The following PLA1A variants were observed in gnomAD, a reference collection of about 807,000 sequenced individuals.
PLA1A encodes the protein phosphatidylserine-specific phospholipase A1alpha.
PLA1A carries 47 observed loss-of-function variants against 49.4 expected under a neutral mutation model. The observed-to-expected ratio is 0.95, with a 90% CI of 0.75 to 1.21. The LOEUF is 1.21. PLA1A is among the 50% of genes most tolerant of loss of function. The probability of loss-of-function intolerance (pLI) is 0.00; values close to 1 mark genes in which losing one functional copy is unlikely to be tolerated. For missense variants in PLA1A, 561 were observed against 563.9 expected (o/e 0.99, Z 0.05); for synonymous variants, 224 against 207.9 (o/e 1.08, Z -0.67).
intron 4 of PLA1A, 122 bp downstream of exon 4, chr3:119,609,698 A>G: frequency 1.9e-6 from 1 of 538,340 alleles, no homozygotes; most frequent in East Asian, 3.1e-5. Flanking sequence ...CAAGTCACCT[A>G]TTACCACTAA....
intron 5 of PLA1A, among the ~76,000 whole-genome samples, chr3:119,615,003 G>A (rs529637021): frequency 6.6e-6 from 1 of 152,276 alleles, no homozygotes; most frequent in African/African-American, 2.4e-5. Context: ...TTCAAAATAT[G>A]TTTTGGAGGT....
chr3:119,601,894 C>T (rs2107774668), intron 1 of PLA1A, among the ~76,000 whole-genome samples: 1 of 152,186 alleles, frequency 6.6e-6, no homozygotes, highest in South Asian at 2.1e-4. Context: ...TTTTTTTCTG[C>T]TCATCCGTTG....
Position 119,609,590 on chromosome 3 carries a change from C to T in PLA1A, c.562+14C>T, listed in dbSNP as rs185621067. 2.2e-6 allele frequency: 3 copies of T among 1,362,192 alleles called. No individual in the cohort carries two copies. The highest frequency in any genetic ancestry group is 3.1e-5 in the African/African-American group (2 of 65,528). The allele number at this position is 1,362,192 out of a possible 1,614,324, so 84.4% of individuals were successfully genotyped here. On this transcript the variant is annotated intron_variant, in intron 4 of 10. Coordinates refer to ENST00000273371, the MANE Select transcript of PLA1A (RefSeq NM_015900.4). ...GACAGATCACAGGTAACATTCCTCC[C>T]TGCCCATCCTCCAGGCTTTAGAGAT... is the stretch of plus-strand genomic sequence containing the variant.
At chr3:119,610,329 GGGTATATATCTA>G (rs2082748522) in intron 4 of PLA1A, among the ~76,000 whole-genome samples, 1 of 151,998 alleles carries the variant, frequency 6.6e-6, no homozygotes, top group South Asian at 2.1e-4. Context: ...CTTTTCCTTT[GGGTATATATCTA>G]GTAATGGGAT....
chr3:119,607,388 T>A (rs1310504002), intron 2 of PLA1A, among the ~76,000 whole-genome samples: 1 of 152,238 alleles, frequency 6.6e-6, no homozygotes, highest in Non-Finnish European at 1.5e-5. Flanking sequence ...TCTTCTTCAA[T>A]TTCTCTGATA....
intron 2 of PLA1A, among the ~76,000 whole-genome samples, chr3:119,608,297 A>AAAGG (rs1409211276): frequency 2.0e-5 from 3 of 151,252 alleles, no homozygotes; most frequent in South Asian, 4.2e-4. Flanking sequence ...AGAAAGAAAG[A>AAAGG]AAAAGAAAAT....
intron 1 of PLA1A, among the ~76,000 whole-genome samples, chr3:119,605,460 T>TC (rs2082673936): frequency 6.6e-6 from 1 of 152,224 alleles, no homozygotes; most frequent in African/African-American, 2.4e-5. Context: ...GTATATGAGC[T>TC]CCCAGTTACC....
chr3:119,621,991 G>A (rs1321177358), intron 8 of PLA1A, among the ~76,000 whole-genome samples: 1 of 152,140 alleles, frequency 6.6e-6, no homozygotes, highest in African/African-American at 2.4e-5. Context: ...GGCTGAGGTG[G>A]GAGGGTTGCT....
At chr3:119,619,772 C>T in intron 8 of PLA1A, 120 bp downstream of exon 8, 2 of 748,010 alleles carry the variant, frequency 2.7e-6, no homozygotes, top group Non-Finnish European at 4.8e-6. Flanking sequence ...GGAGGTGTGG[C>T]AACAGCCCCT....
At chr3:119,623,714 T>G (rs1202864113) in intron 8 of PLA1A, among the ~76,000 whole-genome samples, 3 of 94,830 alleles carry the variant, frequency 3.2e-5, no homozygotes, top group African/African-American at 1.3e-4. Context: ...TAATTCTCTC[T>G]TTCTTTTTTT....
rs1050228314 is a variant in PLA1A at position 119,609,630 on chromosome 3, C to T, written c.562+54C>T. ...GCTTTAGAGATAGAGAAAGCTTGCC[C>T]TGAAAATATCTCTTCTAAAGCAAGC... On this transcript the variant is annotated intron_variant, in intron 4 of 10. Coordinates refer to ENST00000273371, the MANE Select transcript of PLA1A (RefSeq NM_015900.4). The T allele has an allele frequency of 3.1e-6, 3 of 976,382 alleles. No homozygotes were observed. The African/African-American group carries it at 4.8e-5, about 16-fold the overall frequency. The allele number at this position is 976,382 out of a possible 1,614,324, so 60.5% of individuals were successfully genotyped here. A position where few individuals can be genotyped will look rare whatever the true frequency, so the allele number is the denominator to read the frequency against.
At chr3:119,625,020 A>C in intron 8 of PLA1A, 104 bp from the exon 9 acceptor site, 1 of 690,810 alleles carries the variant, frequency 1.4e-6, no homozygotes, top group Non-Finnish European at 2.6e-6. Flanking sequence ...CACAGCCACT[A>C]AGAGATAGAG....
At chr3:119,627,541 A>G (rs937437215) in intron 9 of PLA1A, among the ~76,000 whole-genome samples, 1 of 152,226 alleles carries the variant, frequency 6.6e-6, no homozygotes, top group African/African-American at 2.4e-5. Context: ...ACACTGGACT[A>G]AAAAGAACAC....
intron 8 of PLA1A, among the ~76,000 whole-genome samples, chr3:119,622,510 T>A (rs1198678858): frequency 6.6e-6 from 1 of 152,202 alleles, no homozygotes; most frequent in Non-Finnish European, 1.5e-5. Flanking sequence ...GTTCTTGGCA[T>A]CTTGGCACCT....
chr3:119,609,529 G>A lies in PLA1A; in HGVS notation c.515G>A (p.Gly172Glu), dbSNP rs751075487. ...IIGVSLGAHV[G>E]GMVGQLFGGQ... ...GGTGTTAGCCTGGGGGCCCACGTTG[G>A]GGGCATGGTGGGACAGCTCTTCGGA... Residue 172 changes from glycine (G) to glutamate (E), a missense_variant, in exon 4 of 11, where the codon GGG becomes GAG. By Grantham distance (98) the Gly-to-Glu change is moderately conservative. Coordinates refer to ENST00000273371, the MANE Select transcript of PLA1A (RefSeq NM_015900.4). 1.2e-6 allele frequency: 2 copies of A among 1,612,822 alleles called. No homozygotes were observed. The highest frequency in any genetic ancestry group is 3.3e-5 in the Admixed American group (2 of 60,016).
chr3:119,607,034 C>A, intron 2 of PLA1A, 59 bp downstream of exon 2: 1 of 1,373,272 alleles, frequency 7.3e-7, no homozygotes, highest in Non-Finnish European at 1.0e-6. Context: ...AACCATAATA[C>A]CATAAGAAGT....
At chr3:119,625,039 C>A in intron 8 of PLA1A, 85 bp from the exon 9 acceptor site, 1 of 792,556 alleles carries the variant, frequency 1.3e-6, no homozygotes. Context: ...AGCCAAGATT[C>A]CCAACCACAC....
chr3:119,614,593 G>A (rs1303230233), intron 5 of PLA1A, among the ~76,000 whole-genome samples: 6 of 127,780 alleles, frequency 4.7e-5, no homozygotes, highest in East Asian at 4.6e-4. Context: ...GTGACAGAGT[G>A]AGACTTCGTC....
chr3:119,600,834 G>A (rs1201088801), intron 1 of PLA1A, among the ~76,000 whole-genome samples: 4 of 152,240 alleles, frequency 2.6e-5, no homozygotes, highest in Non-Finnish European at 4.4e-5. Context: ...GGGCTCAAGG[G>A]GGTGGCAGGA....
Sources: gnomAD v4.1 joint callset for allele counts (sites outside exome capture counted in the v4.1 genomes callset) on GRCh38, gnomAD v4.1.1 for gene constraint, MANE v1.5 for transcripts, NCBI Gene and HGNC (gene_info 2026-07-23, HGNC 2026-07-21) for gene names.